Variants in PPHLN1 observed in about 807,000 individuals in gnomAD.
The protein encoded by PPHLN1 is periphilin-1.
A neutral mutation model predicts 51.3 loss-of-function variants in PPHLN1; 29 were observed. The ratio of observed to expected loss-of-function variants is 0.57; its 90% CI spans 0.42 to 0.77. PPHLN1 has a LOEUF of 0.77. Ranked by LOEUF, PPHLN1 falls within the 30% of genes least tolerant of loss-of-function variation. PPHLN1 has a pLI of 0.00. For synonymous variants in PPHLN1, 147 were observed against 147.8 expected (o/e 0.99, Z 0.04); for missense variants, 436 against 438.4 (o/e 0.99, Z 0.05).
At chr12:42,442,499 G>C, downstream of PPHLN1, 1 of 1,202,778 alleles carries the variant, frequency 8.3e-7, no homozygotes, top group South Asian at 1.5e-5. Flanking sequence ...TTGGCGTTCT[G>C]TCTGTACCGA....
intron 2 of PPHLN1, among the ~76,000 whole-genome samples, chr12:42,337,253 T>C (rs1420479939): frequency 6.6e-6 from 1 of 152,020 alleles, no homozygotes; most frequent in East Asian, 1.9e-4. Flanking sequence ...GTTCTGTTTT[T>C]TTTTTTCTTT....
intron 9 of PPHLN1, among the ~76,000 whole-genome samples, chr12:42,402,799 C>G (rs2078957518): frequency 6.6e-6 from 1 of 152,092 alleles, no homozygotes; most frequent in Admixed American, 6.5e-5. Context: ...TTGTGCAGAG[C>G]AGGTTTTCTT....
At chr12:42,397,974 G>T (rs996142061) in intron 8 of PPHLN1, among the ~76,000 whole-genome samples, 3 of 149,238 alleles carry the variant, frequency 2.0e-5, no homozygotes, top group Non-Finnish European at 3.0e-5. Flanking sequence ...CGCCTGCCTC[G>T]GGTTTTTTTT....
chr12:42,375,357 G>C (rs1457568162), intron 5 of PPHLN1: 3 of 215,810 alleles, frequency 1.4e-5, no homozygotes, highest in African/African-American at 7.3e-5. Context: ...TGTCTCCCAG[G>C]CTGGAGTGTA....
intron 1 of PPHLN1, among the ~76,000 whole-genome samples, chr12:42,328,435 T>C (rs2069137869): frequency 6.6e-6 from 1 of 152,126 alleles, no homozygotes; most frequent in African/African-American, 2.4e-5. Flanking sequence ...TTTTTTAGGG[T>C]AAAATGGAGG....
chr12:42,327,608 A>G (rs1711570426), intron 1 of PPHLN1, among the ~76,000 whole-genome samples: 1 of 152,258 alleles, frequency 6.6e-6, no homozygotes, highest in South Asian at 2.1e-4. Context: ...AGAGTTAGGT[A>G]TTTTTGCTAT....
intron 4 of PPHLN1, among the ~76,000 whole-genome samples, chr12:42,360,110 C>CAAAAAAAAAAAAAAAAAAAAAAAAAAAA (rs10643805): frequency 4.2e-4 from 52 of 123,044 alleles, no homozygotes; most frequent in South Asian, 1.4e-3. Flanking sequence ...GACTCCATCT[C>CAAAAAAAAAAAAAAAAAAAAAAAAAAAA]AAAAAAAAAA....
intron 2 of PPHLN1, among the ~76,000 whole-genome samples, chr12:42,340,311 CAAA>C (rs201722204): frequency 1.7e-4 from 13 of 77,440 alleles, no homozygotes; most frequent in East Asian, 3.2e-4. Context: ...GATCCTGTCT[CAAA>C]AAAAAAAAAA....
At chr12:42,432,491 G>A (rs1350619493) in intron 9 of PPHLN1, among the ~76,000 whole-genome samples, 4 of 152,102 alleles carry the variant, frequency 2.6e-5, no homozygotes, top group Admixed American at 6.6e-5. Context: ...AATTCTCACC[G>A]GAACCATATC....
At chr12:42,415,936 T>A (rs2080339487) in intron 9 of PPHLN1, among the ~76,000 whole-genome samples, 1 of 152,164 alleles carries the variant, frequency 6.6e-6, no homozygotes, top group African/African-American at 2.4e-5. Context: ...AAACTGAGAT[T>A]TAAAAATTAG....
chr12:42,411,125 GA>G lies in PPHLN1; in HGVS notation c.909+12132del, dbSNP rs140665218. On this transcript the variant is annotated intron_variant, in intron 9 of 9. Transcript: ENST00000358314. ...TATGTCCTCCAGTTGAAATTAGGTC[GA>G]TTTTTTTTTATCCTTTCATTTTCCT... Among the ~76,000 whole-genome samples the G allele has an allele frequency of 4.7e-3, 710 of 151,524 alleles. 7 individuals carry two copies. Among genetic ancestry groups the G allele is most frequent in the African/African-American group, 0.017 (683 of 41,256 alleles).
At chr12:42,426,172 CCACACACACACACA>C (rs71084653) in intron 9 of PPHLN1, among the ~76,000 whole-genome samples, 3,127 of 122,160 alleles carry the variant, frequency 0.026, 103 homozygotes, top group African/African-American at 0.078. Context: ...AGACTTGACA[CCACACACACACACA>C]CACACACACA....
At chr12:42,374,614 T>TC (rs2076085625) in intron 4 of PPHLN1, 1 of 244,628 alleles carries the variant, frequency 4.1e-6, no homozygotes, top group African/African-American at 2.5e-5. Context: ...CTAATTTTTT[T>TC]TTTTTTTTTT....
Position 42,384,994 on chromosome 12 carries a change from G to A in PPHLN1, c.566G>A (p.Arg189Lys). 1 of 1,607,350 alleles carries A rather than the reference G, an allele frequency of 6.2e-7. No individual in the cohort carries two copies. The highest frequency in any genetic ancestry group is 8.5e-7 in the Non-Finnish European group (1 of 1,173,844). Reference sequence around the variant, plus strand: ...CGGCAGAATGAAGGAAATCCTGAAAGAGGTGAGTTTTGAGCTAGACTCTGA... The same window carrying A: ...CGGCAGAATGAAGGAAATCCTGAAAAAGGTGAGTTTTGAGCTAGACTCTGA... Reference protein sequence around the residue: ...YKRQNEGNPERDKERPVQSLK... With the variant: ...YKRQNEGNPEKDKERPVQSLK... Residue 189 changes from arginine to lysine, a missense_variant and splice_region_variant, in exon 6 of 10, where the codon AGA (arginine) becomes AAA (lysine). Physicochemically the swap from Arg to Lys is conservative, Grantham distance 26 (BLOSUM62 2). Coordinates refer to ENST00000358314, the MANE Select transcript of PPHLN1 (RefSeq NM_201439.2).
intron 9 of PPHLN1, among the ~76,000 whole-genome samples, chr12:42,408,975 ATATT>A (rs2079560793): frequency 1.3e-5 from 2 of 152,350 alleles, no homozygotes; most frequent in South Asian, 4.1e-4. Flanking sequence ...CTATACATAC[ATATT>A]TAAGATAAAG....
intron 2 of PPHLN1, among the ~76,000 whole-genome samples, chr12:42,338,501 G>C (rs1053000817): frequency 1.3e-5 from 2 of 152,196 alleles, no homozygotes; most frequent in African/African-American, 4.8e-5. Context: ...ACAGGAAATT[G>C]AAAGAATGAG....
At chr12:42,326,483 T>G (rs1254706998) in intron 1 of PPHLN1, among the ~76,000 whole-genome samples, 1 of 152,148 alleles carries the variant, frequency 6.6e-6, no homozygotes, top group Non-Finnish European at 1.5e-5. Context: ...CTAGGTAACT[T>G]CAGTGACCCG....
At chr12:42,431,739 G>A in intron 9 of PPHLN1, 1 of 1,040,872 alleles carries the variant, frequency 9.6e-7, no homozygotes, top group South Asian at 1.3e-5. Flanking sequence ...TTCTTCTCCT[G>A]GAGTATGCTG....
intron 4 of PPHLN1, among the ~76,000 whole-genome samples, chr12:42,374,027 C>T (rs2076026784): frequency 6.6e-6 from 1 of 152,106 alleles, no homozygotes; most frequent in Non-Finnish European, 1.5e-5. Context: ...ATGGTACTCT[C>T]CTCCCCAGTT....
Sources: allele counts gnomAD v4.1 joint callset (sites outside exome capture counted in the v4.1 genomes callset), GRCh38; gene constraint gnomAD v4.1.1; transcripts MANE v1.5; gene names NCBI Gene and HGNC (gene_info 2026-07-23, HGNC 2026-07-21).